PRKAG1: variants seen among roughly 807,000 people sequenced by gnomAD.
The protein encoded by PRKAG1 is protein kinase AMP-activated non-catalytic subunit gamma 1.
A neutral mutation model predicts 48.2 loss-of-function variants in PRKAG1; 27 were observed. The ratio of observed to expected loss-of-function variants is 0.56; its 90% confidence interval spans 0.41 to 0.77. The LOEUF is 0.77. PRKAG1 is among the 30% of genes least tolerant of loss of function. The probability of loss-of-function intolerance (pLI) is 0.00; values close to 1 mark genes in which losing one functional copy is unlikely to be tolerated. For missense variants in PRKAG1, 287 were observed against 398.3 expected (o/e 0.72, Z 2.38); for synonymous variants, 130 against 147.7 (o/e 0.88, Z 0.87).
chr12:49,009,992 A>T (rs1288580522), intron 2 of PRKAG1, among the ~76,000 whole-genome samples: 3 of 152,224 alleles, frequency 2.0e-5, no homozygotes, highest in East Asian at 3.8e-4. Flanking sequence ...TAATGTTATT[A>T]AAGTTTTCTT....
rs778092260 is a variant in PRKAG1, at chr12:49,003,737, CCTT to C, written c.703+17_703+19del. 6 of 1,608,900 alleles carry C rather than the reference CCTT, an allele frequency of 3.7e-6. No individual in the cohort carries two copies. The highest frequency in any genetic ancestry group is 5.1e-6 in the Non-Finnish European group (6 of 1,176,948). On this transcript the variant is annotated intron_variant, in intron 9 of 11. Transcript: ENST00000548065. ...ACTTGCCTGGATCTTCCCTCCCTCT[CCTT>C]CTGCCCAATCTCTCACCCTTCTCAT...
At chr12:49,010,779 T>C (rs1278346915) in intron 2 of PRKAG1, among the ~76,000 whole-genome samples, 2 of 152,164 alleles carry the variant, frequency 1.3e-5, no homozygotes, top group African/African-American at 4.8e-5. Flanking sequence ...GTTTGTGTCT[T>C]TTTCTTTAAA....
chr12:49,012,153 G>A (rs755433609), intron 2 of PRKAG1, among the ~76,000 whole-genome samples: 7 of 151,826 alleles, frequency 4.6e-5, no homozygotes, highest in Non-Finnish European at 8.8e-5. Context: ...CACCATGCCC[G>A]GCCCAGCTGT....
intron 2 of PRKAG1, among the ~76,000 whole-genome samples, chr12:49,011,254 C>T (rs1295789573): frequency 6.6e-6 from 1 of 152,224 alleles, no homozygotes; most frequent in South Asian, 2.1e-4. Context: ...ACATACACTA[C>T]ATTGATAGTT....
chr12:49,007,804 TCTC>T (rs1213685981), intron 2 of PRKAG1, among the ~76,000 whole-genome samples: 1 of 152,016 alleles, frequency 6.6e-6, no homozygotes. Context: ...TACTTCCCAT[TCTC>T]CTCATTATTC....
intron 1 of PRKAG1, chr12:49,017,999 G>C (rs186065351): frequency 1.8e-4 from 28 of 152,328 alleles, no homozygotes; most frequent in African/African-American, 5.8e-4. Context: ...GCTAGAAAAA[G>C]ACTCCTGAGA....
chr12:49,017,068 T>G, intron 1 of PRKAG1: 1 of 446,168 alleles, frequency 2.2e-6, no homozygotes, highest in South Asian at 1.6e-5. Context: ...TTCTCTCAGC[T>G]ATTCTGTCAC....
chr12:49,007,821 G>C (rs1231320227), intron 2 of PRKAG1, among the ~76,000 whole-genome samples: 1 of 151,120 alleles, frequency 6.6e-6, no homozygotes, highest in Non-Finnish European at 1.5e-5. Flanking sequence ...ATTATTCCAG[G>C]AGCTAAACCA....
Position 49,002,711 on chromosome 12 carries a change from G to GCTTA in PRKAG1, c.*187_*188insTAAG. On this transcript the variant is annotated 3_prime_UTR_variant, in exon 12 of 12. Coordinates refer to ENST00000548065, the MANE Select transcript of PRKAG1 (RefSeq NM_002733.5). ...AGTTTTTTCAAGTGTATGTGTGAGG[G>GCTTA]TAAGGGTAGCTATAAATCCATTCTC... is the stretch of plus-strand genomic sequence containing the variant. 1.4e-6 allele frequency: 1 copy of GCTTA among 704,814 alleles called. No individual in the cohort carries two copies. The highest frequency in any genetic ancestry group is 1.5e-5 in the South Asian group (1 of 66,098). 43.7% of individuals were successfully genotyped at this position (704,814 alleles called of 1,614,324 possible).
intron 7 of PRKAG1, 127 bp downstream of exon 7, chr12:49,004,837 G>GTGTC: frequency 1.0e-6 from 1 of 1,004,480 alleles, no homozygotes; most frequent in East Asian, 2.4e-5. Context: ...GTGTGTGTGT[G>GTGTC]TGTGTGTGTG....
At chr12:49,003,516 C>G (rs181178231) in intron 10 of PRKAG1, 42 bp downstream of exon 10, 17,021 of 1,600,784 alleles carry the variant, frequency 0.011, 119 homozygotes, top group Non-Finnish European at 0.013. Flanking sequence ...GTGCCCCCCC[C>G]CCACCACTTC....
chr12:49,010,825 G>A (rs755412448), intron 2 of PRKAG1, among the ~76,000 whole-genome samples: 2 of 151,166 alleles, frequency 1.3e-5, no homozygotes, highest in Non-Finnish European at 2.9e-5. Flanking sequence ...GGAGTTTTTG[G>A]GAATATATAT....
chr12:49,016,003 C>T (rs991319061), intron 1 of PRKAG1, among the ~76,000 whole-genome samples: 4 of 150,702 alleles, frequency 2.7e-5, no homozygotes, highest in African/African-American at 7.3e-5. Flanking sequence ...TGGAGTGCAG[C>T]GGCATGATCA....
intron 7 of PRKAG1, 30 bp from the exon 8 acceptor site, chr12:49,004,663 A>G: frequency 1.2e-6 from 2 of 1,613,802 alleles, no homozygotes; most frequent in South Asian, 2.2e-5. Context: ...AATAAGTTCC[A>G]CAGTGCTGGG....
At chr12:49,018,521 T>C in intron 1 of PRKAG1, 1 of 1,429,912 alleles carries the variant, frequency 7.0e-7, no homozygotes. Context: ...GGGTACCGCG[T>C]ACGGAAAGGC....
chr12:49,010,653 C>T (rs1025610691), intron 2 of PRKAG1, among the ~76,000 whole-genome samples: 6 of 152,168 alleles, frequency 3.9e-5, no homozygotes, highest in Non-Finnish European at 7.4e-5. Context: ...TGGCTTTCCT[C>T]ACTGCTAGTT....
Position 49,003,792 on chromosome 12 carries a change from T to A in PRKAG1, c.668A>T (p.His223Leu). Residue 223 changes from histidine to leucine, a missense_variant, in exon 9 of 12, where the codon CAT becomes CTT. Physicochemically the swap from His to Leu is moderately conservative, Grantham distance 99. Coordinates refer to ENST00000548065, the MANE Select transcript of PRKAG1 (RefSeq NM_002733.5). ...VYVALGIFVQ[H>L]RVSALPVVDE... ...CACCACTGGCAGGGCTGAGACTCGA[T>A]GCTGTACAAAAATCCCCAGAGCCAC... 1.2e-6 allele frequency: 2 copies of A among 1,613,892 alleles called. No individual in the cohort carries two copies. The highest frequency in any genetic ancestry group is 1.7e-6 in the Non-Finnish European group (2 of 1,179,910).
At position 49,003,607 on chromosome 12, in the gene PRKAG1, G is replaced by C; in HGVS notation, c.704-12C>G. ...GTCCACCACACGCCCTAGGGGGACAGAGGCAGCTCAGTAAGGAGGATCTGG... is the reference window on the plus strand; with the variant it reads ...GTCCACCACACGCCCTAGGGGGACACAGGCAGCTCAGTAAGGAGGATCTGG... On this transcript the variant is annotated splice_polypyrimidine_tract_variant and intron_variant, in intron 9 of 11. Transcript: ENST00000548065. 3 of 1,612,012 alleles carry C rather than the reference G, an allele frequency of 1.9e-6. No individual in the cohort carries two copies. Among genetic ancestry groups the C allele is most frequent in the Non-Finnish European group, 1.7e-6 (2 of 1,178,942 alleles).
At chr12:49,015,456 T>C (rs1467966732) in intron 1 of PRKAG1, among the ~76,000 whole-genome samples, 1 of 152,260 alleles carries the variant, frequency 6.6e-6, no homozygotes, top group Non-Finnish European at 1.5e-5. Context: ...CAAAGAATGA[T>C]GCACACTGAT....
Sources: gnomAD v4.1 joint callset for allele counts (sites outside exome capture counted in the v4.1 genomes callset) on GRCh38, gnomAD v4.1.1 for gene constraint, MANE v1.5 for transcripts, NCBI Gene and HGNC (gene_info 2026-07-23, HGNC 2026-07-21) for gene names.